FRMPD4: variants seen among roughly 807,000 people sequenced by gnomAD.
FRMPD4 encodes FERM and PDZ domain containing 4, also known as FERM and PDZ domain-containing protein 4.
Under a neutral mutation model 94.1 loss-of-function variants are expected in FRMPD4, and 22 were observed. The ratio of observed to expected loss-of-function variants is 0.23; its 90% CI spans 0.17 to 0.33. The LOEUF is 0.33. Ranked by LOEUF, FRMPD4 falls within the 10% of genes least tolerant of loss-of-function variation. FRMPD4 has a pLI of 1.00. For missense variants in FRMPD4, 1,111 were observed against 1,339.9 expected (o/e 0.83, Z 2.67); for synonymous variants, 631 against 548.6 (o/e 1.15, Z -2.10).
chrX:11,834,033 C>T (rs2053489075), intron 1 of FRMPD4, among the ~76,000 whole-genome samples: 1 of 111,303 alleles, frequency 9.0e-6, no homozygotes, highest in South Asian at 3.8e-4. Flanking sequence ...TATGTTAAGC[C>T]ACTGAGATTC....
intron 1 of FRMPD4, among the ~76,000 whole-genome samples, chrX:12,189,355 T>G (rs1014020018): frequency 9.0e-6 from 1 of 110,938 alleles, no homozygotes; most frequent in African/African-American, 3.3e-5. Context: ...AAGGAAGAAA[T>G]TATACCAGTC....
chrX:11,989,795 A>C (rs2054454197), intron 3 of FRMPD4, among the ~76,000 whole-genome samples: 1 of 111,572 alleles, frequency 9.0e-6, no homozygotes, highest in Non-Finnish European at 1.9e-5. Flanking sequence ...TTAAAAATTA[A>C]AACATATATA....
intron 2 of FRMPD4, among the ~76,000 whole-genome samples, chrX:11,872,917 C>T (rs918056773): frequency 2.7e-5 from 3 of 112,214 alleles, no homozygotes; most frequent in Non-Finnish European, 3.8e-5. Context: ...AATTGGAACC[C>T]TTGTGCATTG....
At chrX:12,052,450 A>C (rs1472220793) in intron 3 of FRMPD4, among the ~76,000 whole-genome samples, 1 of 112,228 alleles carries the variant, frequency 8.9e-6, no homozygotes, top group Non-Finnish European at 1.9e-5. Context: ...TTGAGTACTC[A>C]GTGTCTTTAC....
rs764789717 is a variant in FRMPD4 at position 12,609,733 on chromosome X, G to C, written c.171G>C (p.Gln57His). The C allele has an allele frequency of 1.2e-5, 14 of 1,206,761 alleles. No homozygotes were observed. Among genetic ancestry groups the C allele is most frequent in the African/African-American group, 1.7e-5 (1 of 57,286 alleles). Reference protein sequence around the residue: ...GRDYFINHMTQAIPFDDPRLE... With the variant: ...GRDYFINHMTHAIPFDDPRLE... ...GCTTTCTCCACAGTCACATGACACA[G>C]GCAATCCCTTTTGACGACCCTCGGT... is the stretch of plus-strand genomic sequence containing the variant. The change falls in exon 3 of 17, where the codon CAG becomes CAC. Residue 57 changes from glutamine to histidine, a missense_variant. Coordinates refer to ENST00000675598, the MANE Select transcript of FRMPD4 (RefSeq NM_001368397.1).
chrX:12,335,611 A>T (rs904107034), intron 1 of FRMPD4, among the ~76,000 whole-genome samples: 1 of 111,259 alleles, frequency 9.0e-6, no homozygotes, highest in African/African-American at 3.3e-5. Flanking sequence ...CCCCACTGAG[A>T]TGCTTTCACT....
intron 1 of FRMPD4, among the ~76,000 whole-genome samples, chrX:12,484,663 C>G (rs954350610): frequency 9.0e-6 from 1 of 111,590 alleles, no homozygotes; most frequent in African/African-American, 3.3e-5. Context: ...CTCTAGAGTT[C>G]AGTTTCATTC....
intron 1 of FRMPD4, among the ~76,000 whole-genome samples, chrX:12,378,606 G>A (rs1033463753): frequency 6.2e-5 from 7 of 112,449 alleles, no homozygotes; most frequent in Admixed American, 2.8e-4. Flanking sequence ...ACCATGAAGT[G>A]TGCGCTGTGT....
At chrX:12,196,776 G>T (rs2147708371) in intron 1 of FRMPD4, among the ~76,000 whole-genome samples, 1 of 109,930 alleles carries the variant, frequency 9.1e-6, no homozygotes, top group African/African-American at 3.3e-5. Context: ...CATGTAGCCA[G>T]GTAAGGATAG....
At chrX:11,989,098 C>CT (rs1353705996) in intron 3 of FRMPD4, among the ~76,000 whole-genome samples, 5 of 111,792 alleles carry the variant, frequency 4.5e-5, no homozygotes, top group Non-Finnish European at 3.8e-5. Flanking sequence ...AGCAATCCCA[C>CT]TACTGGGTAT....
intron 1 of FRMPD4, among the ~76,000 whole-genome samples, chrX:12,346,049 T>C (rs2147966359): frequency 9.0e-6 from 1 of 110,616 alleles, no homozygotes; most frequent in South Asian, 3.9e-4. Flanking sequence ...GTTTTTTTTT[T>C]TTTTAAGTAT....
intron 1 of FRMPD4, among the ~76,000 whole-genome samples, chrX:11,834,717 A>C (rs781690856): frequency 8.9e-6 from 1 of 111,983 alleles, no homozygotes; most frequent in African/African-American, 3.2e-5. Flanking sequence ...TAATAATAAG[A>C]AAGTAGAATG....
chrX:12,174,092 T>C (rs765815366), intron 1 of FRMPD4, among the ~76,000 whole-genome samples: 1 of 111,633 alleles, frequency 9.0e-6, no homozygotes, highest in Non-Finnish European at 1.9e-5. Flanking sequence ...GCCAACATCT[T>C]CTGCCAAGGG....
intron 1 of FRMPD4, 133 bp from the exon 2 acceptor site, chrX:12,498,547 G>T (rs751909304): frequency 1.8e-6 from 1 of 543,946 alleles, no homozygotes; most frequent in Non-Finnish European, 3.3e-6. Context: ...ATAATGTGTC[G>T]ATTTTTGTTG....
chrX:11,941,145 G>A (rs1232634757), intron 3 of FRMPD4, among the ~76,000 whole-genome samples: 1 of 48,492 alleles, frequency 2.1e-5, no homozygotes, highest in South Asian at 1.6e-3. Context: ...CCCTGCTTCG[G>A]CTCGCGCACG....
intron 3 of FRMPD4, among the ~76,000 whole-genome samples, chrX:12,100,718 C>T (rs962508827): frequency 3.9e-4 from 44 of 112,007 alleles, no homozygotes; most frequent in Non-Finnish European, 7.9e-4. Flanking sequence ...CTTTGTGCTT[C>T]CCTCTTTCCA....
At chrX:12,575,998 C>T (rs1003655033) in intron 2 of FRMPD4, among the ~76,000 whole-genome samples, 1 of 112,112 alleles carries the variant, frequency 8.9e-6, no homozygotes, top group African/African-American at 3.2e-5. Flanking sequence ...TTTGTCATGG[C>T]GGCAATGGGA....
intron 1 of FRMPD4, among the ~76,000 whole-genome samples, chrX:12,450,843 T>C (rs2057257513): frequency 1.1e-5 from 1 of 87,383 alleles, no homozygotes; most frequent in Admixed American, 1.4e-4. Flanking sequence ...TGGTTTGGAC[T>C]CAGTGTTGTT....
intron 14 of FRMPD4, among the ~76,000 whole-genome samples, chrX:12,713,316 T>G (rs2042020565): frequency 9.0e-6 from 1 of 111,511 alleles, no homozygotes; most frequent in Admixed American, 9.5e-5. Flanking sequence ...CTCTGTCCAA[T>G]TCATAGTGAC....
Sources: gnomAD v4.1 joint callset for allele counts (sites outside exome capture counted in the v4.1 genomes callset) on GRCh38, gnomAD v4.1.1 for gene constraint, MANE v1.5 for transcripts, NCBI Gene and HGNC (gene_info 2026-07-23, HGNC 2026-07-21) for gene names.